Variants in STXBP4 observed in about 807,000 individuals in gnomAD.
STXBP4 encodes the protein syntaxin binding protein 4.
STXBP4 carries 55 observed loss-of-function variants against 76.1 expected under a neutral mutation model. The observed-to-expected ratio is 0.72, with a 90% CI of 0.58 to 0.91. The LOEUF (loss-of-function observed/expected upper bound fraction) is 0.91. STXBP4 is among the 40% of genes least tolerant of loss of function. The pLI is 0.00. For synonymous variants in STXBP4, 201 were observed against 220.2 expected (o/e 0.91, Z 0.77); for missense variants, 618 against 636.9 (o/e 0.97, Z 0.32).
chr17:55,034,334 G>T, intron 10 of STXBP4, 75 bp downstream of exon 10: 2 of 918,524 alleles, frequency 2.2e-6, no homozygotes, highest in African/African-American at 1.7e-5. Context: ...ATATGTGTAG[G>T]CTTTTTTCAC....
At chr17:55,200,121 G>A in the STXBP4 span, among the ~76,000 whole-genome samples, 699 of 152,100 alleles carry the variant, frequency 4.6e-3, 2 homozygotes, top group African/African-American at 0.015. Flanking sequence ...GATTTTTTTG[G>A]TCTTTGTCTT....
chr17:55,054,883 A>G (rs1251768906), intron 12 of STXBP4, among the ~76,000 whole-genome samples: 1 of 152,148 alleles, frequency 6.6e-6, no homozygotes, highest in Non-Finnish European at 1.5e-5. Context: ...ACGTGAGCTG[A>G]CCCAGACACA....
At chr17:55,088,081 T>C (rs1262667483) in intron 16 of STXBP4, among the ~76,000 whole-genome samples, 1 of 152,224 alleles carries the variant, frequency 6.6e-6, no homozygotes, top group East Asian at 1.9e-4. Context: ...TGCCAGTACT[T>C]TTTATAAATT....
At position 55,072,996 on chromosome 17, in the gene STXBP4, T is replaced by G; in HGVS notation, c.1108T>G (p.Tyr370Asp). The change falls in exon 13 of 18, where the codon TAT becomes GAT. Residue 370 changes from tyrosine to aspartate, a missense_variant. Physicochemically the swap from Tyr to Asp is radical, Grantham distance 160. Transcript: ENST00000376352. ...ACAGGCACATGGAATGGAAATGGAC[T>G]ATGAAGAAGTGATCCGTCTGTTAGA... ...QRQAHGMEMD[Y>D]EEVIRLLEAK... is the part of the protein sequence containing the mutation. The G allele has an allele frequency of 1.2e-6, 2 of 1,614,000 alleles. No homozygotes were observed. The highest frequency in any genetic ancestry group is 2.2e-5 in the East Asian group (1 of 44,856).
intron 7 of STXBP4, 35 bp downstream of exon 7, chr17:55,000,918 TA>T: frequency 2.2e-6 from 3 of 1,370,522 alleles, no homozygotes; most frequent in Middle Eastern, 1.9e-4. Context: ...TCCTGTTTTT[TA>T]TTTCAATTCT....
intron 12 of STXBP4, among the ~76,000 whole-genome samples, chr17:55,050,451 A>T (rs1167307335): frequency 6.6e-6 from 1 of 152,138 alleles, no homozygotes; most frequent in Non-Finnish European, 1.5e-5. Context: ...AAAATCATTA[A>T]GTCAAACCGT....
rs80199840 is a variant in STXBP4, at chr17:55,031,025, A to T, written c.667-143A>T. The stretch of plus-strand genomic sequence containing the variant: ...ATCTTCAATAGGCACTTAATCCATA[A>T]AGAGCTGACTTCCCTTGGGTGTTTA... On this transcript the variant is annotated intron_variant, in intron 8 of 17. Coordinates refer to ENST00000376352, the MANE Select transcript of STXBP4 (RefSeq NM_178509.6). 2,142 of 588,820 alleles carry T rather than the reference A, an allele frequency of 3.6e-3. 6 individuals are homozygous for T. The highest frequency in any genetic ancestry group is 7.4e-3 in the Admixed American group (247 of 33,218). The allele number at this position is 588,820 out of a possible 1,614,324, so 36.5% of individuals were successfully genotyped here. A position where few individuals can be genotyped will look rare whatever the true frequency, so the allele number is the denominator to read the frequency against.
rs1460199336 is a variant in STXBP4, at chr17:55,165,738, T to G, written c.*5827T>G. 6.6e-6 allele frequency: 1 copy of G among 151,700 alleles called. No individual in the cohort carries two copies. The highest frequency in any genetic ancestry group is 1.5e-5 in the Non-Finnish European group (1 of 67,964). The allele number at this position is 151,700 out of a possible 1,614,324, so 9.4% of individuals were successfully genotyped here. ...ATTAAGAGGTACGGCTCTGAGGAGGTGATTAGGTCATGAGGCTCCATCCTG... is the reference window on the plus strand; with the variant it reads ...ATTAAGAGGTACGGCTCTGAGGAGGGGATTAGGTCATGAGGCTCCATCCTG... On this transcript the variant is annotated 3_prime_UTR_variant, in exon 18 of 18. Transcript: ENST00000376352.
At chr17:55,050,446 C>A (rs532191143) in intron 12 of STXBP4, among the ~76,000 whole-genome samples, 3 of 152,168 alleles carry the variant, frequency 2.0e-5, no homozygotes, top group Admixed American at 6.5e-5. Flanking sequence ...CTTCTAAAAT[C>A]ATTAAGTCAA....
chr17:55,094,423 T>C (rs769613430), intron 16 of STXBP4, among the ~76,000 whole-genome samples: 1 of 152,134 alleles, frequency 6.6e-6, no homozygotes, highest in Non-Finnish European at 1.5e-5. Flanking sequence ...GCAGGAAGAC[T>C]AGGTGGCTAT....
intron 16 of STXBP4, among the ~76,000 whole-genome samples, chr17:55,121,471 A>G (rs538774251): frequency 3.9e-5 from 6 of 152,136 alleles, no homozygotes; most frequent in Non-Finnish European, 8.8e-5. Flanking sequence ...ATCTTGAGAA[A>G]ATATCTCTGT....
intron 16 of STXBP4, among the ~76,000 whole-genome samples, chr17:55,082,419 CTA>C (rs1443158090): frequency 6.6e-6 from 1 of 152,024 alleles, no homozygotes; most frequent in Non-Finnish European, 1.5e-5. Context: ...TATATTAAAA[CTA>C]TGCAAAAATA....
chr17:55,133,062 G>A (rs540677900), intron 16 of STXBP4, among the ~76,000 whole-genome samples: 3 of 152,034 alleles, frequency 2.0e-5, no homozygotes, highest in Non-Finnish European at 4.4e-5. Flanking sequence ...CTGACTTTTT[G>A]TTTTTTTAAT....
At chr17:54,992,615 G>A (rs2077735987) in intron 4 of STXBP4, among the ~76,000 whole-genome samples, 1 of 151,176 alleles carries the variant, frequency 6.6e-6, no homozygotes, top group Non-Finnish European at 1.5e-5. Flanking sequence ...CTGTGTGTGT[G>A]TGTTCAATAT....
intron 16 of STXBP4, among the ~76,000 whole-genome samples, chr17:55,105,119 T>A (rs2079615029): frequency 6.6e-6 from 1 of 151,256 alleles, no homozygotes; most frequent in South Asian, 2.1e-4. Context: ...TGTCTCTATC[T>A]CCTTCAGTTC....
intron 4 of STXBP4, among the ~76,000 whole-genome samples, chr17:54,997,722 G>A (rs1442072079): frequency 6.8e-6 from 1 of 147,710 alleles, no homozygotes; most frequent in Non-Finnish European, 1.5e-5. Context: ...AGCCTCCTGA[G>A]TAACTGAGAC....
intron 10 of STXBP4, among the ~76,000 whole-genome samples, chr17:55,041,228 CT>C (rs373020633): frequency 0.12 from 14,285 of 122,188 alleles, 1,425 homozygotes; most frequent in African/African-American, 0.39. Flanking sequence ...TTTATTTAAA[CT>C]TTTTTTTTTT....
intron 1 of STXBP4, among the ~76,000 whole-genome samples, chr17:54,969,981 G>C (rs949598175): frequency 1.3e-5 from 2 of 152,236 alleles, no homozygotes; most frequent in African/African-American, 4.8e-5. Flanking sequence ...CGGTAGTAAA[G>C]TAAGGACGTT....
At chr17:54,982,324 A>G (rs1008477740) in intron 1 of STXBP4, among the ~76,000 whole-genome samples, 1 of 152,102 alleles carries the variant, frequency 6.6e-6, no homozygotes, top group African/African-American at 2.4e-5. Flanking sequence ...TTCTAATTAC[A>G]TGGGATGAAG....
Sources: allele counts gnomAD v4.1 joint callset (sites outside exome capture counted in the v4.1 genomes callset), GRCh38; gene constraint gnomAD v4.1.1; transcripts MANE v1.5; gene names NCBI Gene and HGNC (gene_info 2026-07-23, HGNC 2026-07-21).